The following DDX60 variants were observed in gnomAD, a reference collection of about 807,000 sequenced individuals.
DDX60 encodes the protein DExD/H-box helicase 60.
Under a neutral mutation model 212.8 loss-of-function variants are expected in DDX60, and 165 were observed. That is an observed-to-expected ratio of 0.78 (90% CI 0.68 to 0.88). DDX60 has a LOEUF of 0.88. Among genes scored for constraint, DDX60 ranks in the 40% least tolerant of loss-of-function variants. The pLI, the probability that DDX60 is intolerant of heterozygous loss-of-function variation, is 0.00. For missense variants in DDX60, 1,905 were observed against 2,003.9 expected (o/e 0.95, Z 0.94); for synonymous variants, 703 against 685.3 (o/e 1.03, Z -0.40).
chr4:168,283,756 A>G (rs1039265491), intron 12 of DDX60, 150 bp from the exon 13 acceptor site: 7 of 630,830 alleles, frequency 1.1e-5, no homozygotes, highest in Non-Finnish European at 1.8e-5. Context: ...CGTAAAATCA[A>G]GTTAATAATT....
intron 2 of DDX60, 59 bp from the exon 3 acceptor site, chr4:168,311,126 C>T: frequency 7.1e-7 from 1 of 1,403,582 alleles, no homozygotes; most frequent in Non-Finnish European, 1.0e-6. Flanking sequence ...GTCCTTTTTA[C>T]AGGAGCTATC....
intron 36 of DDX60, among the ~76,000 whole-genome samples, chr4:168,221,243 A>G (rs1179947199): frequency 6.6e-6 from 1 of 152,068 alleles, no homozygotes. Flanking sequence ...GCCCAAGTCA[A>G]TTTCTTCATC....
Position 168,311,333 on chromosome 4 carries a change from T to C in DDX60, c.-74A>G. 2 of 1,513,428 alleles carry C rather than the reference T, an allele frequency of 1.3e-6. No individual in the cohort carries two copies. Among genetic ancestry groups the C allele is most frequent in the Non-Finnish European group, 1.8e-6 (2 of 1,104,002 alleles). The allele number at this position is 1,513,428 out of a possible 1,614,324, so 93.7% of individuals were successfully genotyped here. ...AGCAAATACCCTTTATTTTGGTACC[T>C]CTAAGTGGCAGTTCTTAATGAAAAT... On this transcript the variant is annotated 5_prime_UTR_variant, in exon 2 of 38. Coordinates refer to ENST00000393743, the MANE Select transcript of DDX60 (RefSeq NM_017631.6).
At chr4:168,309,631 C>T (rs567990145) in intron 3 of DDX60, among the ~76,000 whole-genome samples, 71 of 151,756 alleles carry the variant, frequency 4.7e-4, no homozygotes, top group South Asian at 1.0e-3. Flanking sequence ...AAAAGGAAGA[C>T]GAAATATCTA....
chr4:168,249,383 A>C (rs1734137024), intron 28 of DDX60, among the ~76,000 whole-genome samples: 1 of 152,206 alleles, frequency 6.6e-6, no homozygotes, highest in South Asian at 2.1e-4. Context: ...TTAATGTTTA[A>C]GTATACGGAG....
At position 168,240,996 on chromosome 4, in the gene DDX60, A is replaced by G. The variant is rs28794259; in HGVS notation, c.4165-3201T>C. 2.0e-4 allele frequency among the ~76,000 whole-genome samples: 31 copies of G among 152,198 alleles called. 1 individual carries two copies. The highest frequency in any genetic ancestry group is 8.5e-4 in the Admixed American group (13 of 15,282). On this transcript the variant is annotated intron_variant, in intron 30 of 37. Transcript: ENST00000393743. ...GAACCCAGTGGGAGGTAATTGAATC[A>G]TGGGGGCAGATCTTGCCCATGCAGT...
chr4:168,320,608 C>T (rs1477732327), upstream of DDX60, among the ~76,000 whole-genome samples: 1 of 152,138 alleles, frequency 6.6e-6, no homozygotes, highest in Non-Finnish European at 1.5e-5. Flanking sequence ...TAATTTGTTA[C>T]AGCAGCCATA....
chr4:168,291,729 T>G lies in DDX60; in HGVS notation c.1041+19A>C. Reference sequence around the variant, plus strand: ...CATTCAAAACACAAAAATAGTAAACTAATAAAGAGTACATTTACCATTTGT... The same window carrying G: ...CATTCAAAACACAAAAATAGTAAACGAATAAAGAGTACATTTACCATTTGT... On this transcript the variant is annotated intron_variant, in intron 8 of 37. Transcript: ENST00000393743. 6.5e-7 allele frequency: 1 copy of G among 1,535,600 alleles called. No homozygotes were observed. Among genetic ancestry groups the G allele is most frequent in the Non-Finnish European group, 8.7e-7 (1 of 1,147,090 alleles).
chr4:168,258,096 C>T (rs1316205810), intron 25 of DDX60, among the ~76,000 whole-genome samples: 1 of 152,182 alleles, frequency 6.6e-6, no homozygotes, highest in Non-Finnish European at 1.5e-5. Context: ...TTCATGCTCT[C>T]TCAGCTCCAG....
chr4:168,242,720 G>A (rs549309634), intron 30 of DDX60, among the ~76,000 whole-genome samples: 3 of 152,248 alleles, frequency 2.0e-5, no homozygotes, highest in Non-Finnish European at 2.9e-5. Context: ...TGTCTCAGAT[G>A]AGACTTTGGA....
intron 30 of DDX60, 125 bp downstream of exon 30, chr4:168,246,293 T>C (rs940150989): frequency 5.4e-6 from 6 of 1,114,748 alleles, no homozygotes; most frequent in Middle Eastern, 3.0e-4. Context: ...TTCAAGACAT[T>C]ACAAAACATT....
At chr4:168,249,095 A>AT (rs138553892) in intron 28 of DDX60, among the ~76,000 whole-genome samples, 9,889 of 152,100 alleles carry the variant, frequency 0.065, 474 homozygotes, top group East Asian at 0.15. Flanking sequence ...TAGAAAGAAA[A>AT]TTTTTTATGA....
intron 1 of DDX60, 50 bp from the exon 2 acceptor site, chr4:168,311,415 AATGACTACT>A (rs1428055143): frequency 2.9e-6 from 2 of 698,136 alleles, no homozygotes; most frequent in African/African-American, 3.6e-5. Flanking sequence ...ACATGTATTG[AATGACTACT>A]ATATGTAAAG....
intron 22 of DDX60, among the ~76,000 whole-genome samples, chr4:168,265,839 AGG>A (rs1318969430): frequency 8.8e-4 from 1 of 1,142 alleles, no homozygotes; most frequent in East Asian, 4.4e-3. Flanking sequence ...GAGGGAAGGA[AGG>A]GAAGGGAAGG....
At chr4:168,263,070 T>C (rs1734690799) in intron 22 of DDX60, among the ~76,000 whole-genome samples, 1 of 152,224 alleles carries the variant, frequency 6.6e-6, no homozygotes, top group African/African-American at 2.4e-5. Context: ...ATCAGAGCGA[T>C]GGGAAGCTGA....
rs1415523756 is a variant in DDX60 at position 168,284,813 on chromosome 4, A to G, written c.1561+7T>C. 1.4e-6 allele frequency: 2 copies of G among 1,400,964 alleles called. No individual in the cohort carries two copies. Among genetic ancestry groups the G allele is most frequent in the Non-Finnish European group, 9.8e-7 (1 of 1,024,184 alleles). The allele number at this position is 1,400,964 out of a possible 1,614,324, so 86.8% of individuals were successfully genotyped here. ...TAAATTTATATCACTGGAGTCACAG[A>G]GCTTACCATCAAACTGACACCTGGA... On this transcript the variant is annotated splice_region_variant and intron_variant, in intron 12 of 37. Coordinates refer to ENST00000393743, the MANE Select transcript of DDX60 (RefSeq NM_017631.6).
At chr4:168,316,612 A>G (rs2149559707) in intron 1 of DDX60, among the ~76,000 whole-genome samples, 1 of 152,328 alleles carries the variant, frequency 6.6e-6, no homozygotes, top group Non-Finnish European at 1.5e-5. Context: ...GAGTAGATAC[A>G]AGAGTGATTC....
chr4:168,294,355 G>A (rs2149537694), intron 6 of DDX60, among the ~76,000 whole-genome samples: 1 of 152,254 alleles, frequency 6.6e-6, no homozygotes, highest in African/African-American at 2.4e-5. Flanking sequence ...TCTGGGCAAT[G>A]ATATTTTGGA....
chr4:168,275,331 A>G lies in DDX60; in HGVS notation c.2304+14T>C, dbSNP rs1735285823. ...AAGAAAATACAGTAATTTTTGTTTC[A>G]TTTGCAGTATTACCTGCCATGTGTC... is the stretch of plus-strand genomic sequence containing the variant. On this transcript the variant is annotated intron_variant, in intron 16 of 37. Coordinates refer to ENST00000393743, the MANE Select transcript of DDX60 (RefSeq NM_017631.6). The G allele has an allele frequency of 1.3e-6, 2 of 1,586,140 alleles. No homozygotes were observed. Among genetic ancestry groups the G allele is most frequent in the Non-Finnish European group, 1.7e-6 (2 of 1,168,126 alleles).
Sources: gnomAD v4.1 joint callset for allele counts (sites outside exome capture counted in the v4.1 genomes callset) on GRCh38, gnomAD v4.1.1 for gene constraint, MANE v1.5 for transcripts, NCBI Gene and HGNC (gene_info 2026-07-23, HGNC 2026-07-21) for gene names.